Variants in ZNF148 observed in about 807,000 individuals in gnomAD.
The protein encoded by ZNF148 is Beta-Enolase Repressor Factor-1.
A neutral mutation model predicts 67.7 loss-of-function variants in ZNF148; 7 were observed. The observed-to-expected ratio is 0.10, with a 90% confidence interval of 0.06 to 0.19. The LOEUF (loss-of-function observed/expected upper bound fraction) is 0.19. Ranked by LOEUF, ZNF148 falls within the 10% of genes least tolerant of loss-of-function variation. The probability of loss-of-function intolerance (pLI) is 1.00; values close to 1 mark genes in which losing one functional copy is unlikely to be tolerated. For synonymous variants in ZNF148, 333 were observed against 330.7 expected (o/e 1.01, Z -0.08); for missense variants, 583 against 947.1 (o/e 0.62, Z 5.05).
chr3:125,292,261 G>A (rs1939059205), intron 4 of ZNF148, among the ~76,000 whole-genome samples: 1 of 152,106 alleles, frequency 6.6e-6, no homozygotes, highest in African/African-American at 2.4e-5. Context: ...ATTTTGAAAG[G>A]AGCTACATTT....
At chr3:125,367,150 AC>A (rs1269884959) in intron 1 of ZNF148, among the ~76,000 whole-genome samples, 1 of 152,208 alleles carries the variant, frequency 6.6e-6, no homozygotes, top group African/African-American at 2.4e-5. Flanking sequence ...ATTTTCTGAA[AC>A]CTTGTTATAA....
chr3:125,340,602 G>A (rs1941672781), intron 1 of ZNF148, among the ~76,000 whole-genome samples: 1 of 152,146 alleles, frequency 6.6e-6, no homozygotes. Context: ...AGACTGCAAA[G>A]TCTCTAAAAA....
intron 7 of ZNF148, among the ~76,000 whole-genome samples, chr3:125,236,221 T>G (rs968043769): frequency 2.6e-5 from 4 of 152,128 alleles, no homozygotes; most frequent in African/African-American, 9.7e-5. Context: ...CCTTACACAA[T>G]TAAAAAAAAA....
At chr3:125,299,429 C>A (rs536529391) in intron 4 of ZNF148, among the ~76,000 whole-genome samples, 1 of 152,302 alleles carries the variant, frequency 6.6e-6, no homozygotes, top group South Asian at 2.1e-4. Flanking sequence ...CTTTGAGAGG[C>A]TGAGGCAAAA....
intron 4 of ZNF148, among the ~76,000 whole-genome samples, chr3:125,300,160 C>G (rs1939511319): frequency 6.6e-6 from 1 of 152,074 alleles, no homozygotes; most frequent in African/African-American, 2.4e-5. Context: ...TTAGTAGAGA[C>G]AGGGTTTCAC....
rs867909074 is a variant in ZNF148 at position 125,347,573 on chromosome 3, T to A, written c.-233-16335A>T. ...TTTTGTTAAATTTTATGTATTATTT[T>A]TTTTTTTTTTCTGAGACAGGGTCCC... On this transcript the variant is annotated intron_variant, in intron 1 of 8. Coordinates refer to ENST00000360647, the MANE Select transcript of ZNF148 (RefSeq NM_021964.3). 7.3e-3 allele frequency among the ~76,000 whole-genome samples: 1,098 copies of A among 149,682 alleles called. 16 individuals carry two copies. Among genetic ancestry groups the A allele is most frequent in the African/African-American group, 0.026 (1,011 of 39,370 alleles).
intron 7 of ZNF148, among the ~76,000 whole-genome samples, chr3:125,241,657 T>A (rs1019016903): frequency 6.6e-6 from 1 of 152,222 alleles, no homozygotes; most frequent in African/African-American, 2.4e-5. Flanking sequence ...ATACTACAAT[T>A]TATTTAATCA....
At chr3:125,371,833 G>A (rs753805227) in intron 1 of ZNF148, among the ~76,000 whole-genome samples, 2 of 151,526 alleles carry the variant, frequency 1.3e-5, no homozygotes, top group Admixed American at 1.3e-4. Context: ...GGGAGACGGA[G>A]GCGGGTAGAT....
At chr3:125,268,576 A>C (rs1937593013) in intron 7 of ZNF148, among the ~76,000 whole-genome samples, 1 of 152,236 alleles carries the variant, frequency 6.6e-6, no homozygotes, top group Non-Finnish European at 1.5e-5. Flanking sequence ...TTAAAGACTT[A>C]AATGTAAAAC....
At chr3:125,300,257 C>A (rs915832965) in intron 4 of ZNF148, among the ~76,000 whole-genome samples, 1 of 152,186 alleles carries the variant, frequency 6.6e-6, no homozygotes, top group Admixed American at 6.5e-5. Context: ...GAGGTGAGAG[C>A]CACCATGCCT....
chr3:125,372,551 G>A (rs1052466117), intron 1 of ZNF148, among the ~76,000 whole-genome samples: 3 of 152,180 alleles, frequency 2.0e-5, no homozygotes, highest in Non-Finnish European at 4.4e-5. Context: ...ATGGAAAAAA[G>A]CATGGTAAGA....
chr3:125,237,597 A>G (rs1338178321), intron 7 of ZNF148, among the ~76,000 whole-genome samples: 2 of 152,174 alleles, frequency 1.3e-5, no homozygotes, highest in African/African-American at 4.8e-5. Context: ...AAATTAAACT[A>G]AATTTAAAAA....
intron 7 of ZNF148, among the ~76,000 whole-genome samples, chr3:125,263,894 T>A (rs961940875): frequency 3.3e-5 from 5 of 152,200 alleles, no homozygotes; most frequent in Non-Finnish European, 7.3e-5. Flanking sequence ...CCTAGAAATT[T>A]CAGCCCCATT....
chr3:125,234,171 A>T, intron 8 of ZNF148, 40 bp downstream of exon 8: 1 of 1,369,894 alleles, frequency 7.3e-7, no homozygotes, highest in South Asian at 1.3e-5. Flanking sequence ...TTATTGTATA[A>T]TTTAATTACA....
chr3:125,344,073 T>TAAATTACTTGAGTTACCATTA (rs1941844746), intron 1 of ZNF148: 1 of 185,320 alleles, frequency 5.4e-6, no homozygotes, highest in Non-Finnish European at 1.1e-5. Context: ...ATGCACGCAT[T>TAAATTACTTGAGTTACCATTA]AAATTACTTG....
intron 1 of ZNF148, among the ~76,000 whole-genome samples, chr3:125,359,640 A>AAC (rs1942474489): frequency 6.6e-6 from 1 of 152,220 alleles, no homozygotes. Context: ...GCAAACAGAA[A>AAC]ACATGATGTG....
chr3:125,336,677 CTTTTTT>C (rs71148176), intron 1 of ZNF148, among the ~76,000 whole-genome samples: 3 of 95,336 alleles, frequency 3.1e-5, no homozygotes, highest in East Asian at 2.6e-4. Flanking sequence ...CAGAAATCAC[CTTTTTT>C]TTTTTTTTTT....
At position 125,225,695 on chromosome 3, in the gene ZNF148, T is replaced by C. The variant is rs1030441896; in HGVS notation, c.*6646A>G. On this transcript the variant is annotated 3_prime_UTR_variant, in exon 9 of 9. Coordinates refer to ENST00000360647, the MANE Select transcript of ZNF148 (RefSeq NM_021964.3). ...TCAAGTGACTTCAATTTTTTATTTTTTCTTATAATCTTTAGAAGATTGGAG... is the reference window on the plus strand; with the variant it reads ...TCAAGTGACTTCAATTTTTTATTTTCTCTTATAATCTTTAGAAGATTGGAG... 3 of 152,244 alleles carry C rather than the reference T, an allele frequency of 2.0e-5. No homozygotes were observed. Among genetic ancestry groups the C allele is most frequent in the African/African-American group, 7.2e-5 (3 of 41,462 alleles). The allele number at this position is 152,244 out of a possible 1,614,324, so 9.4% of individuals were successfully genotyped here.
rs185056985 is a variant in ZNF148 at position 125,260,246 on chromosome 3, T to C, written c.667+17480A>G. On this transcript the variant is annotated intron_variant, in intron 7 of 8. Coordinates refer to ENST00000360647, the MANE Select transcript of ZNF148 (RefSeq NM_021964.3). Reference sequence around the variant, plus strand: ...ACAGAGATAGAAAGTGAGTGCACGCTGCTGGAAACATGATGCTGACAGACG... The same window carrying C: ...ACAGAGATAGAAAGTGAGTGCACGCCGCTGGAAACATGATGCTGACAGACG... 7.9e-5 allele frequency among the ~76,000 whole-genome samples: 12 copies of C among 152,176 alleles called. No homozygotes were observed. In the East Asian group the frequency reaches 2.1e-3, roughly 27 times the overall value.
Sources: gnomAD v4.1 joint callset for allele counts (sites outside exome capture counted in the v4.1 genomes callset) on GRCh38, gnomAD v4.1.1 for gene constraint, MANE v1.5 for transcripts, NCBI Gene and HGNC (gene_info 2026-07-23, HGNC 2026-07-21) for gene names.